Variants in COMMD4 observed in about 807,000 individuals in gnomAD.
COMMD4 encodes the protein COMM domain-containing protein 4.
In COMMD4, 18 loss-of-function variants were observed where a neutral mutation model predicts 27.5. The ratio of observed to expected loss-of-function variants is 0.65; its 90% CI spans 0.45 to 0.97. COMMD4 has a LOEUF of 0.97. Ranked by LOEUF, COMMD4 falls within the 50% of genes least tolerant of loss-of-function variation. The pLI is 0.00. For synonymous variants in COMMD4, 108 were observed against 108.4 expected (o/e 1.00, Z 0.02); for missense variants, 243 against 250.0 (o/e 0.97, Z 0.19).
At chr15:75,341,104 G>C (rs987461142), downstream of COMMD4, 18 of 152,632 alleles carry the variant, frequency 1.2e-4, no homozygotes, top group African/African-American at 4.3e-4. Flanking sequence ...GTGCGCACAC[G>C]AGGTGGCTGT....
chr15:75,340,171 T>C lies in COMMD4; in HGVS notation c.*166T>C. 1.4e-6 allele frequency: 1 copy of C among 722,612 alleles called. No individual in the cohort carries two copies. The highest frequency in any genetic ancestry group is 2.2e-6 in the Non-Finnish European group (1 of 445,094). The allele number at this position is 722,612 out of a possible 1,614,324, so 44.8% of individuals were successfully genotyped here. On this transcript the variant is annotated 3_prime_UTR_variant, in exon 8 of 8. Coordinates refer to ENST00000267935, the MANE Select transcript of COMMD4 (RefSeq NM_017828.5). Reference sequence around the variant, plus strand: ...CTCACTTCTCTCTTGAGAACTTGGCTCAGGGCTCCTGAGGACCTTTCCCAG... The same window carrying C: ...CTCACTTCTCTCTTGAGAACTTGGCCCAGGGCTCCTGAGGACCTTTCCCAG...
At chr15:75,336,874 A>G (rs1466545196) in intron 1 of COMMD4, 1 of 152,322 alleles carries the variant, frequency 6.6e-6, no homozygotes, top group Non-Finnish European at 1.5e-5. Context: ...CAGACAGGGA[A>G]CAGCATGTGC....
In COMMD4 at chr15:75,339,717, G is replaced by A. The variant is rs200897342; in HGVS notation, c.398G>A (p.Gly133Asp). 1.4e-5 allele frequency: 23 copies of A among 1,601,548 alleles called. No individual in the cohort carries two copies. Among genetic ancestry groups the A allele is most frequent in the Admixed American group, 8.5e-5 (5 of 58,976 alleles). The change falls in exon 7 of 8, where the codon GGT (glycine) becomes GAT (aspartate). Residue 133 changes from glycine to aspartate, a missense_variant. Coordinates refer to ENST00000267935, the MANE Select transcript of COMMD4 (RefSeq NM_017828.5). ...VCSLRMNRLA[G>D]VGWRVDYTLS... Reference sequence around the variant, plus strand: ...CATCTCACAGTGAATAGGTTGGCAGGTGTGGGCTGGCGGGTGGACTACACC... The same window carrying A: ...CATCTCACAGTGAATAGGTTGGCAGATGTGGGCTGGCGGGTGGACTACACC...
At chr15:75,337,890 A>G in intron 1 of COMMD4, 172 bp from the exon 2 acceptor site, 1 of 659,458 alleles carries the variant, frequency 1.5e-6, no homozygotes, top group Non-Finnish European at 2.6e-6. Flanking sequence ...AGGGTGGGTC[A>G]GGGAGAGAGT....
intron 6 of COMMD4, 116 bp downstream of exon 6, chr15:75,339,460 G>A (rs961660221): frequency 1.2e-5 from 17 of 1,471,628 alleles, no homozygotes; most frequent in South Asian, 6.1e-5. Flanking sequence ...ACTAGCAGCC[G>A]TAGAGCTGGG....
intron 6 of COMMD4, 32 bp from the exon 7 acceptor site, chr15:75,339,670 T>G: frequency 1.3e-6 from 2 of 1,552,484 alleles, no homozygotes; most frequent in Non-Finnish European, 8.7e-7. Flanking sequence ...TTGCCTGCTT[T>G]GATCCTGAGA....
intron 1 of COMMD4, chr15:75,336,492 T>C: frequency 2.1e-6 from 1 of 484,184 alleles, no homozygotes; most frequent in Non-Finnish European, 3.6e-6. Flanking sequence ...AGAATCAGGC[T>C]CACTCTTCCA....
Position 75,338,678 on chromosome 15 carries a change from C to T in COMMD4, c.174C>T (p.Ala58=), listed in dbSNP as rs1482549006. The T allele has an allele frequency of 6.2e-7, 1 of 1,613,774 alleles. No individual in the cohort carries two copies. Among genetic ancestry groups the T allele is most frequent in the Non-Finnish European group, 8.5e-7 (1 of 1,179,852 alleles). The part of the protein sequence containing the change: ...YEKILKLTAD[A]KFESGDVKAT... Reference sequence around the variant, plus strand: ...AGATCCTGAAGCTCACGGCTGACGCCAAGTTTGGTGAGTATCCCGCTGAGT... The same window carrying T: ...AGATCCTGAAGCTCACGGCTGACGCTAAGTTTGGTGAGTATCCCGCTGAGT... The change falls in exon 4 of 8, where the codon GCC becomes GCT. Residue 58 remains alanine (A), a synonymous_variant. Transcript: ENST00000267935.
At position 75,340,019 on chromosome 15, in the gene COMMD4, C is replaced by A. The variant is rs3803465; in HGVS notation, c.*14C>A. The stretch of plus-strand genomic sequence containing the variant: ...TCCCTGGGCTGAGGAGAAGGGTGTT[C>A]CAGGCCTGTGTGGAGCCGCCCTGCC... On this transcript the variant is annotated 3_prime_UTR_variant, in exon 8 of 8. Transcript: ENST00000267935. 13,261 of 1,613,800 alleles carry A rather than the reference C, an allele frequency of 8.2e-3. 733 individuals are homozygous for A. The Admixed American group carries it at 0.13, about 15-fold the overall frequency.
intron 1 of COMMD4, 27 bp from the exon 2 acceptor site, chr15:75,338,035 C>G (rs1300096769): frequency 6.3e-7 from 1 of 1,592,058 alleles, no homozygotes; most frequent in East Asian, 2.3e-5. Flanking sequence ...TCCCTCCAGC[C>G]TGATTACCTG....
At chr15:75,342,249 T>A (rs1192919153), downstream of COMMD4, 1 of 150,366 alleles carries the variant, frequency 6.7e-6, no homozygotes, top group Admixed American at 6.6e-5. Context: ...ATGCCTGGAG[T>A]TGAAAAAAGG....
At position 75,339,912 on chromosome 15, in the gene COMMD4, C is replaced by T. The variant is rs758611975; in HGVS notation, c.559+34C>T. ...CAGCTATTCCTCGACGGGTGAGAGGCTCTCCCAGATCCGCCTGACTGCCTC... is the reference window on the plus strand; with the variant it reads ...CAGCTATTCCTCGACGGGTGAGAGGTTCTCCCAGATCCGCCTGACTGCCTC... On this transcript the variant is annotated intron_variant, in intron 7 of 7. Coordinates refer to ENST00000267935, the MANE Select transcript of COMMD4 (RefSeq NM_017828.5). The T allele has an allele frequency of 2.5e-6, 4 of 1,613,914 alleles. No homozygotes were observed. The South Asian group carries it at 3.3e-5, about 13-fold the overall frequency.
Position 75,339,869 on chromosome 15 carries a change from C to T in COMMD4, c.550C>T (p.Leu184Phe), listed in dbSNP as rs1159327270. The T allele has an allele frequency of 6.2e-7, 1 of 1,613,064 alleles. No individual in the cohort carries two copies. The highest frequency in any genetic ancestry group is 8.5e-7 in the Non-Finnish European group (1 of 1,179,204). Residue 184 changes from leucine to phenylalanine, a missense_variant, in exon 7 of 8, where the codon CTC becomes TTC. Coordinates refer to ENST00000267935, the MANE Select transcript of COMMD4 (RefSeq NM_017828.5). ...MSLSADKFQV[L>F]LAELKQAQTL... ...CCTCTCAGCAGACAAGTTCCAGGTC[C>T]TCCTGGCAGGTGAGGCTCAGCTATT...
chr15:75,340,501 C>T (rs982975554), downstream of COMMD4, among the ~76,000 whole-genome samples: 2 of 152,196 alleles, frequency 1.3e-5, no homozygotes, highest in Non-Finnish European at 2.9e-5. Flanking sequence ...GCTGTCTTTG[C>T]CCCCTGGCCA....
Position 75,340,256 on chromosome 15 carries a change from A to G in COMMD4, c.*251A>G. The G allele has an allele frequency of 1.8e-6, 1 of 568,672 alleles. No individual in the cohort carries two copies. The highest frequency in any genetic ancestry group is 3.1e-6 in the Non-Finnish European group (1 of 317,912). 35.2% of individuals were successfully genotyped at this position (568,672 alleles called of 1,614,324 possible). A position where few individuals can be genotyped will look rare whatever the true frequency, so the allele number is the denominator to read the frequency against. On this transcript the variant is annotated 3_prime_UTR_variant, in exon 8 of 8. Coordinates refer to ENST00000267935, the MANE Select transcript of COMMD4 (RefSeq NM_017828.5). ...GCTGTTTTCATAAGCAGGAAAAATA[A>G]ACAGAAGTATAAAGGAATGTGTGCA...
At position 75,336,445 on chromosome 15, in the gene COMMD4, C is replaced by T. The variant is rs1298940469; in HGVS notation, c.3+353C>T. The T allele has an allele frequency of 6.9e-6, 4 of 582,078 alleles. No homozygotes were observed. The East Asian group carries it at 9.0e-5, about 13-fold the overall frequency. 36.1% of individuals were successfully genotyped at this position (582,078 alleles called of 1,614,324 possible). A position where few individuals can be genotyped will look rare whatever the true frequency, so the allele number is the denominator to read the frequency against. On this transcript the variant is annotated intron_variant, in intron 1 of 7. Transcript: ENST00000267935. ...AGGACCTCCCAAGGATACCCCCTTC[C>T]CCAGCCCTGCCGTGGGGCTTGTACA...
chr15:75,338,283 T>G, intron 2 of COMMD4, 72 bp from the exon 3 acceptor site: 3 of 1,459,778 alleles, frequency 2.1e-6, no homozygotes, highest in East Asian at 2.5e-5. Flanking sequence ...GTGGCTGGCC[T>G]GCTCTGAGCC....
chr15:75,337,970 G>A, intron 1 of COMMD4, 92 bp from the exon 2 acceptor site: 3 of 1,284,434 alleles, frequency 2.3e-6, no homozygotes, highest in Non-Finnish European at 3.3e-6. Flanking sequence ...GGGACCAGGG[G>A]TCCCTGGTGG....
At chr15:75,337,590 CAAA>C (rs1187298844) in intron 1 of COMMD4, 60 of 93,208 alleles carry the variant, frequency 6.4e-4, no homozygotes, top group Admixed American at 1.1e-3. Context: ...GAAACTGTCT[CAAA>C]AAAAAAAAAA....
Sources: gnomAD v4.1 joint callset for allele counts (sites outside exome capture counted in the v4.1 genomes callset) on GRCh38, gnomAD v4.1.1 for gene constraint, MANE v1.5 for transcripts, NCBI Gene and HGNC (gene_info 2026-07-23, HGNC 2026-07-21) for gene names.